Variants in THSD7A observed in about 807,000 individuals in gnomAD.
THSD7A encodes the protein thrombospondin type-1 domain-containing protein 7A.
THSD7A carries 96 observed loss-of-function variants against 231.3 expected under a neutral mutation model. The observed-to-expected ratio is 0.41, with a 90% CI of 0.35 to 0.49. THSD7A has a LOEUF of 0.49. Ranked by LOEUF, THSD7A falls within the 20% of genes least tolerant of loss-of-function variation. The pLI, the probability that THSD7A is intolerant of heterozygous loss-of-function variation, is 0.05. For synonymous variants in THSD7A, 940 were observed against 743.3 expected, an observed-to-expected ratio of 1.26 and a Z score of -4.30; for missense variants, 2,290 against 2,070.2, an observed-to-expected ratio of 1.11 and a Z score of -2.06.
chr7:11,807,010 A>G (rs977039838), intron 1 of THSD7A, among the ~76,000 whole-genome samples: 1 of 152,040 alleles, frequency 6.6e-6, no homozygotes, highest in South Asian at 2.1e-4. Context: ...ATATATATAT[A>G]TCTCTTTCTT....
chr7:11,411,368 C>G lies in THSD7A; in HGVS notation c.3683-46G>C, dbSNP rs759362650. ...TCAGAACAGAAGGCTAAGTAAGAAA[C>G]AGATTTCAAATGAAACTCTGATGAC... On this transcript the variant is annotated intron_variant, in intron 18 of 27. Transcript: ENST00000423059. The surrounding 1 kb of genome is among the most constrained non-coding windows in gnomAD (Gnocchi z 4.1). 11 of 1,346,964 alleles carry G rather than the reference C, an allele frequency of 8.2e-6. No homozygotes were observed. The Admixed American group carries it at 1.9e-4, about 23-fold the overall frequency. 83.4% of individuals were successfully genotyped at this position (1,346,964 alleles called of 1,614,324 possible).
chr7:11,800,003 T>C (rs974325294), intron 1 of THSD7A, among the ~76,000 whole-genome samples: 1 of 152,174 alleles, frequency 6.6e-6, no homozygotes, highest in Admixed American at 6.5e-5. Context: ...TTCTTTGAGA[T>C]AGGAAAACCC....
At chr7:11,613,336 T>C (rs1420121114) in intron 2 of THSD7A, among the ~76,000 whole-genome samples, 1 of 152,190 alleles carries the variant, frequency 6.6e-6, no homozygotes, top group Non-Finnish European at 1.5e-5. Context: ...AGTAAACTAA[T>C]TGGCAGCCCT....
At chr7:11,379,435 G>C (rs956678259) in intron 25 of THSD7A, 155 bp from the exon 26 acceptor site, 1 of 879,428 alleles carries the variant, frequency 1.1e-6, no homozygotes, top group African/African-American at 1.7e-5. Flanking sequence ...ACATACTTTT[G>C]GCATTATATG....
chr7:11,717,635 G>A (rs1372940963), intron 1 of THSD7A, among the ~76,000 whole-genome samples: 1 of 151,624 alleles, frequency 6.6e-6, no homozygotes, highest in Non-Finnish European at 1.5e-5. Flanking sequence ...ACTACTAGGA[G>A]AATATATCTG....
At chr7:11,809,348 T>C (rs2128183736) in intron 1 of THSD7A, among the ~76,000 whole-genome samples, 1 of 152,326 alleles carries the variant, frequency 6.6e-6, no homozygotes, top group East Asian at 1.9e-4. Flanking sequence ...GTATTTGAAC[T>C]GATTCTTGAC....
intron 4 of THSD7A, among the ~76,000 whole-genome samples, chr7:11,585,751 A>G (rs1224871555): frequency 6.6e-6 from 1 of 152,040 alleles, no homozygotes; most frequent in African/African-American, 2.4e-5. Flanking sequence ...ACACCATCCC[A>G]TCTCAGGGTG....
Position 11,679,231 on chromosome 7 carries a change from C to A in THSD7A, c.191-42270G>T, listed in dbSNP as rs190541637. Among the ~76,000 whole-genome samples, 651 of 152,258 alleles carry A rather than the reference C, an allele frequency of 4.3e-3. 4 individuals are homozygous for A. The highest frequency in any genetic ancestry group is 0.015 in the African/African-American group (619 of 41,560). Reference sequence around the variant, plus strand: ...ATAAGAGCTATTTATGACAAACCCACAGCCAGTATCATACTGAATGAGCAA... The same window carrying A: ...ATAAGAGCTATTTATGACAAACCCAAAGCCAGTATCATACTGAATGAGCAA... On this transcript the variant is annotated intron_variant, in intron 1 of 27. Coordinates refer to ENST00000423059, the MANE Select transcript of THSD7A (RefSeq NM_015204.3).
intron 23 of THSD7A, among the ~76,000 whole-genome samples, chr7:11,398,659 G>A (rs982354565): frequency 9.9e-5 from 15 of 152,106 alleles, no homozygotes; most frequent in Admixed American, 6.5e-4. Context: ...CATTAGCTAC[G>A]GGGGTCTGTC....
At chr7:11,607,100 T>C (rs911177742) in intron 2 of THSD7A, among the ~76,000 whole-genome samples, 7 of 152,130 alleles carry the variant, frequency 4.6e-5, no homozygotes, top group African/African-American at 1.7e-4. Context: ...CATCAGCCGA[T>C]TGACAGGTCT....
chr7:11,771,223 A>G (rs1783218738), intron 1 of THSD7A, among the ~76,000 whole-genome samples: 1 of 151,322 alleles, frequency 6.6e-6, no homozygotes, highest in African/African-American at 2.4e-5. Flanking sequence ...TTTACATTGG[A>G]ATTTTTTAAC....
In THSD7A at chr7:11,412,785, T is replaced by C. The variant is rs1783829919; in HGVS notation, c.3553A>G (p.Ser1185Gly). Residue 1185 changes from serine to glycine, a missense_variant, in exon 18 of 28, where the codon AGT becomes GGT. Physicochemically the swap from Ser to Gly is moderately conservative, Grantham distance 56 (BLOSUM62 0). Coordinates refer to ENST00000423059, the MANE Select transcript of THSD7A (RefSeq NM_015204.3). ...TQCVLPCNQS[S>G]FRQRSADPIR... ...GGATCAGCTGACCTTTGCCGGAAACTGCTTTGATTGCAAGGCTTAAAAAGA... is the reference window on the plus strand; with the variant it reads ...GGATCAGCTGACCTTTGCCGGAAACCGCTTTGATTGCAAGGCTTAAAAAGA... 7 of 1,612,222 alleles carry C rather than the reference T, an allele frequency of 4.3e-6. No homozygotes were observed. Among genetic ancestry groups the C allele is most frequent in the Non-Finnish European group, 5.9e-6 (7 of 1,178,948 alleles).
intron 1 of THSD7A, among the ~76,000 whole-genome samples, chr7:11,774,948 G>C (rs980770784): frequency 1.3e-5 from 2 of 152,036 alleles, no homozygotes; most frequent in East Asian, 1.9e-4. Context: ...CCAGCTACTC[G>C]GGAGGCTGAG....
chr7:11,575,953 G>A (rs180995156), intron 4 of THSD7A, among the ~76,000 whole-genome samples: 52 of 152,070 alleles, frequency 3.4e-4, no homozygotes, highest in Admixed American at 2.1e-3. Context: ...TTTCTTTCTG[G>A]CTCTAGAACC....
chr7:11,419,932 A>G (rs1784089022), intron 16 of THSD7A, among the ~76,000 whole-genome samples: 1 of 152,186 alleles, frequency 6.6e-6, no homozygotes, highest in African/African-American at 2.4e-5. Flanking sequence ...GAGAGAGATG[A>G]CTTAGGGTAT....
At chr7:11,506,743 T>A (rs1787559530) in intron 6 of THSD7A, among the ~76,000 whole-genome samples, 1 of 152,186 alleles carries the variant, frequency 6.6e-6, no homozygotes, top group Non-Finnish European at 1.5e-5. Context: ...TTCTAACACT[T>A]TCCTCTCTGA....
chr7:11,639,372 T>G (rs750051019), intron 1 of THSD7A, among the ~76,000 whole-genome samples: 13 of 152,116 alleles, frequency 8.5e-5, no homozygotes, highest in Non-Finnish European at 1.6e-4. Context: ...AGCACTATTA[T>G]TAATAGTTGT....
At chr7:11,502,958 A>G (rs1583861463) in intron 6 of THSD7A, among the ~76,000 whole-genome samples, 1 of 152,164 alleles carries the variant, frequency 6.6e-6, no homozygotes, top group South Asian at 2.1e-4. Flanking sequence ...TCTAGAAAAA[A>G]TTATTTTAAA....
At chr7:11,742,446 T>C (rs1236876680) in intron 1 of THSD7A, among the ~76,000 whole-genome samples, 2 of 151,858 alleles carry the variant, frequency 1.3e-5, no homozygotes, top group Non-Finnish European at 2.9e-5. Context: ...TTTTTGTTGT[T>C]TTAAGAATAT....
Sources: gnomAD v4.1 joint callset for allele counts (sites outside exome capture counted in the v4.1 genomes callset) on GRCh38, gnomAD v4.1.1 for gene constraint, Gnocchi (gnomAD v3.1) non-coding constraint, MANE v1.5 for transcripts, NCBI Gene and HGNC (gene_info 2026-07-23, HGNC 2026-07-21) for gene names.